CTXND1: variants seen among roughly 807,000 people sequenced by gnomAD.
CTXND1 encodes cortexin domain containing 1.
intron 1 of CTXND1, among the ~76,000 whole-genome samples, chr15:80,237,407 C>T (rs901752790): frequency 2.0e-5 from 3 of 151,142 alleles, no homozygotes; most frequent in African/African-American, 7.3e-5. Flanking sequence ...GCAGGTCCTT[C>T]AGGAAGTATT....
intron 1 of CTXND1, among the ~76,000 whole-genome samples, chr15:80,233,566 A>C (rs1376503862): frequency 6.6e-6 from 1 of 152,042 alleles, no homozygotes; most frequent in East Asian, 1.9e-4. Flanking sequence ...AGGAGACATC[A>C]CAGAATGACC....
chr15:80,238,680 T>C (rs1439356837), intron 1 of CTXND1, among the ~76,000 whole-genome samples: 2 of 152,176 alleles, frequency 1.3e-5, no homozygotes, highest in African/African-American at 2.4e-5. Context: ...TTTCACCTTG[T>C]TAGCCAGGAT....
intron 1 of CTXND1, among the ~76,000 whole-genome samples, chr15:80,220,869 T>C (rs1273559636): frequency 1.3e-5 from 2 of 150,674 alleles, no homozygotes; most frequent in Non-Finnish European, 3.0e-5. Context: ...ATCCAGAAAA[T>C]TTACTGAGCT....
chr15:80,242,324 G>A (rs756891388), intron 1 of CTXND1, among the ~76,000 whole-genome samples: 30 of 152,232 alleles, frequency 2.0e-4, no homozygotes, highest in Non-Finnish European at 3.7e-4. Context: ...CTCCTGGCCC[G>A]CAAGGGGGCT....
chr15:80,212,465 T>C (rs1357672481), intron 1 of CTXND1, among the ~76,000 whole-genome samples: 1 of 152,244 alleles, frequency 6.6e-6, no homozygotes, highest in East Asian at 1.9e-4. Context: ...AAGGATTCTC[T>C]GCATATCTGG....
At chr15:80,244,282 T>C (rs1407001189) in intron 1 of CTXND1, among the ~76,000 whole-genome samples, 1 of 152,236 alleles carries the variant, frequency 6.6e-6, no homozygotes, top group Non-Finnish European at 1.5e-5. Flanking sequence ...TGAAAATTTA[T>C]GTGCAAAGCC....
chr15:80,205,957 A>G (rs772749532), intron 1 of CTXND1, among the ~76,000 whole-genome samples: 2 of 152,220 alleles, frequency 1.3e-5, no homozygotes, highest in Non-Finnish European at 2.9e-5. Context: ...ATTTTTGCCA[A>G]TTTGAAAGAA....
chr15:80,235,468 C>A, intron 1 of CTXND1, among the ~76,000 whole-genome samples: 1 of 152,178 alleles, frequency 6.6e-6, no homozygotes, highest in Non-Finnish European at 1.5e-5. Context: ...CTAAATTATG[C>A]TCATTTGCAT....
At chr15:80,229,473 C>A (rs1464457359) in intron 1 of CTXND1, among the ~76,000 whole-genome samples, 1 of 152,136 alleles carries the variant, frequency 6.6e-6, no homozygotes, top group Non-Finnish European at 1.5e-5. Context: ...GCTGACCAGG[C>A]AAACTATGGT....
intron 1 of CTXND1, among the ~76,000 whole-genome samples, chr15:80,247,509 G>A (rs1267068375): frequency 1.3e-5 from 2 of 152,202 alleles, no homozygotes; most frequent in Admixed American, 6.5e-5. Context: ...AGGGTGGGGA[G>A]TGGGAGTGGT....
At chr15:80,219,504 T>C (rs1219325202) in intron 1 of CTXND1, among the ~76,000 whole-genome samples, 2 of 152,226 alleles carry the variant, frequency 1.3e-5, no homozygotes, top group African/African-American at 2.4e-5. Flanking sequence ...AACATTCCTA[T>C]ACAGGTACAC....
intron 1 of CTXND1, among the ~76,000 whole-genome samples, chr15:80,215,851 A>G (rs566904820): frequency 1.3e-5 from 2 of 152,250 alleles, no homozygotes; most frequent in African/African-American, 4.8e-5. Context: ...GACGTTGCTT[A>G]GGGGAGACTG....
In CTXND1 at chr15:80,216,156, A is replaced by T. The variant is rs1893250518; in HGVS notation, c.-217-12416T>A. ...TCATCTTTCAATTGGAAAACTCTGA[A>T]GATCATGTCCCCGTTCTCCAGGGCT... On this transcript the variant is annotated intron_variant, in intron 1 of 2. Transcript: ENST00000560778. 2.6e-5 allele frequency among the ~76,000 whole-genome samples: 4 copies of T among 152,332 alleles called. No individual in the cohort carries two copies. The South Asian group carries it at 8.3e-4, about 32-fold the overall frequency.
chr15:80,210,435 C>T (rs1189855768), intron 1 of CTXND1, among the ~76,000 whole-genome samples: 1 of 152,194 alleles, frequency 6.6e-6, no homozygotes, highest in African/African-American at 2.4e-5. Flanking sequence ...CTTTCTCTTC[C>T]CTCTCGCAGC....
intron 1 of CTXND1, among the ~76,000 whole-genome samples, chr15:80,220,470 A>C (rs1175165663): frequency 6.6e-6 from 1 of 152,206 alleles, no homozygotes; most frequent in Non-Finnish European, 1.5e-5. Flanking sequence ...TTTATAATAC[A>C]TCTTGTTATA....
At chr15:80,218,055 T>C (rs1893272336) in intron 1 of CTXND1, among the ~76,000 whole-genome samples, 1 of 152,238 alleles carries the variant, frequency 6.6e-6, no homozygotes, top group Admixed American at 6.5e-5. Context: ...CCATATTATG[T>C]ATTCAACTTC....
Position 80,199,252 on chromosome 15 carries a change from G to C in CTXND1, c.*2518C>G, listed in dbSNP as rs1241272229. On this transcript the variant is annotated 3_prime_UTR_variant, in exon 3 of 3. Coordinates refer to ENST00000560778, the MANE Select transcript of CTXND1 (RefSeq NM_001352888.2). ...GCACATAAACCACCTAGCGAATCTT[G>C]CTAATATACATTCTGTACGTAGGTC... 4 of 152,312 alleles carry C rather than the reference G, an allele frequency of 2.6e-5. No individual in the cohort carries two copies. The East Asian group carries it at 5.8e-4, about 22-fold the overall frequency. 9.4% of individuals were successfully genotyped at this position (152,312 alleles called of 1,614,324 possible). A position where few individuals can be genotyped will look rare whatever the true frequency, so the allele number is the denominator to read the frequency against.
intron 1 of CTXND1, among the ~76,000 whole-genome samples, chr15:80,231,591 G>GAAAGC (rs1893431478): frequency 6.6e-6 from 1 of 152,042 alleles, no homozygotes; most frequent in Non-Finnish European, 1.5e-5. Flanking sequence ...CGAGAAAATA[G>GAAAGC]CTGGCTTGCA....
intron 1 of CTXND1, among the ~76,000 whole-genome samples, chr15:80,204,647 G>GTACATA (rs1555443919): frequency 7.6e-6 from 1 of 131,342 alleles, no homozygotes; most frequent in Non-Finnish European, 1.6e-5. Context: ...ATATTCCATT[G>GTACATA]TATATATATA....
Sources: allele counts gnomAD v4.1 joint callset (sites outside exome capture counted in the v4.1 genomes callset), GRCh38; gene constraint gnomAD v4.1.1; transcripts MANE v1.5; gene names NCBI Gene and HGNC (gene_info 2026-07-23, HGNC 2026-07-21).